LRIT3: variants seen among roughly 807,000 people sequenced by gnomAD.
LRIT3 encodes leucine-rich repeat, immunoglobulin-like domain and transmembrane domain-containing protein 3.
A neutral mutation model predicts 22.6 loss-of-function variants in LRIT3; 14 were observed. That is an observed-to-expected ratio of 0.62 (90% CI 0.41 to 0.97). LRIT3 has a LOEUF of 0.97. Ranked by LOEUF, LRIT3 falls within the 50% of genes least tolerant of loss-of-function variation. LRIT3 has a pLI of 0.00. For missense variants in LRIT3, 783 were observed against 803.0 expected (o/e 0.98, Z 0.30); for synonymous variants, 306 against 304.5 (o/e 1.01, Z -0.05).
intron 2 of LRIT3, among the ~76,000 whole-genome samples, chr4:109,854,221 A>G (rs184137465): frequency 6.6e-6 from 1 of 152,230 alleles, no homozygotes; most frequent in Non-Finnish European, 1.5e-5. Flanking sequence ...ATCCATGAGC[A>G]TGGAATGTTT....
chr4:109,850,014 G>A (rs1278572842), intron 1 of LRIT3, among the ~76,000 whole-genome samples: 1 of 152,206 alleles, frequency 6.6e-6, no homozygotes, highest in Non-Finnish European at 1.5e-5. Flanking sequence ...ATCCCTAGAG[G>A]ATTTCAAAGA....
At position 109,870,476 on chromosome 4, in the gene LRIT3, G is replaced by T. The variant is rs754286829; in HGVS notation, c.1727G>T (p.Gly576Val). The T allele has an allele frequency of 2.5e-6, 4 of 1,614,186 alleles. No individual in the cohort carries two copies. Among genetic ancestry groups the T allele is most frequent in the South Asian group, 1.1e-5 (1 of 91,086 alleles). ...ACCTTTTCTACTGAAAGAGTTGAAGGAGATGATTCTCAATGGTCTCTCCTT... is the reference window on the plus strand; with the variant it reads ...ACCTTTTCTACTGAAAGAGTTGAAGTAGATGATTCTCAATGGTCTCTCCTT... ...CITFSTERVE[G>V]DDSQWSLLLV... The change falls in exon 4 of 4, where the codon GGA becomes GTA. Residue 576 changes from glycine to valine, a missense_variant. By Grantham distance (109) the Gly-to-Val change is moderately radical. Around this residue, in one of 2 missense-constraint regions of LRIT3, gnomAD observed 756 missense variants for 753.8 expected, o/e 1.00. Coordinates refer to ENST00000594814, the MANE Select transcript of LRIT3 (RefSeq NM_198506.5).
At chr4:109,862,207 A>G (rs1357306632) in intron 2 of LRIT3, among the ~76,000 whole-genome samples, 4 of 152,220 alleles carry the variant, frequency 2.6e-5, no homozygotes. Flanking sequence ...ATTTAGTCCA[A>G]CTATTCTGAT....
intron 2 of LRIT3, among the ~76,000 whole-genome samples, chr4:109,862,881 A>G (rs1205685195): frequency 6.6e-6 from 1 of 152,058 alleles, no homozygotes; most frequent in Non-Finnish European, 1.5e-5. Context: ...TTTTGTAGAG[A>G]CAGGATCTTG....
chr4:109,869,908 T>G lies in LRIT3; in HGVS notation c.1159T>G (p.Trp387Gly), dbSNP rs140494004. 1.3e-4 allele frequency: 209 copies of G among 1,614,114 alleles called. No homozygotes were observed. In the African/African-American group the frequency reaches 2.4e-3, roughly 19 times the overall value. ...TSVSSASSYL[W>G]SSSFSPTSSF... is the part of the protein sequence containing the mutation. ...TGTATCTAGCGCATCATCATATCTT[T>G]GGTCCTCTTCCTTCTCCCCCACATC... is the stretch of plus-strand genomic sequence containing the variant. The change falls in exon 4 of 4, where the codon TGG becomes GGG. Residue 387 changes from tryptophan (W) to glycine (G), a missense_variant. Around this residue, in one of 2 missense-constraint regions of LRIT3, gnomAD observed 756 missense variants for 753.8 expected, o/e 1.00. Coordinates refer to ENST00000594814, the MANE Select transcript of LRIT3 (RefSeq NM_198506.5).
In LRIT3 at chr4:109,850,352, TGTC is replaced by T. The variant is rs148188986; in HGVS notation, c.117-1151_117-1149del. On this transcript the variant is annotated intron_variant, in intron 1 of 3. Transcript: ENST00000594814. The stretch of plus-strand genomic sequence containing the variant: ...TTTAAATTTACACATGGGACAGTGT[TGTC>T]TTCCTTCCTTCCTTCCTTCCTTCCT... Among the ~76,000 whole-genome samples the T allele has an allele frequency of 6.8e-3, 973 of 143,352 alleles. 12 individuals carry two copies. The highest frequency in any genetic ancestry group is 0.019 in the Middle Eastern group (5 of 266). The allele number at this position is 143,352 out of a possible 152,430, so 94.0% of individuals were successfully genotyped here. A position where few individuals can be genotyped will look rare whatever the true frequency, so the allele number is the denominator to read the frequency against.
At chr4:109,862,026 C>T (rs1222979117) in intron 2 of LRIT3, among the ~76,000 whole-genome samples, 1 of 152,146 alleles carries the variant, frequency 6.6e-6, no homozygotes, top group Non-Finnish European at 1.5e-5. Context: ...AACACGTGTC[C>T]ACTTGTTCCA....
At chr4:109,851,374 C>G in intron 1 of LRIT3, 130 bp from the exon 2 acceptor site, 1 of 1,316,420 alleles carries the variant, frequency 7.6e-7, no homozygotes, top group Non-Finnish European at 1.0e-6. Context: ...CTCGGCCTCC[C>G]AAAGTGCTGG....
intron 2 of LRIT3, among the ~76,000 whole-genome samples, chr4:109,855,777 C>T (rs1452874569): frequency 6.6e-6 from 1 of 152,150 alleles, no homozygotes; most frequent in African/African-American, 2.4e-5. Context: ...ATCTTTATTT[C>T]TGCCTTCATT....
At chr4:109,862,428 A>T (rs1476957772) in intron 2 of LRIT3, among the ~76,000 whole-genome samples, 1 of 152,202 alleles carries the variant, frequency 6.6e-6, no homozygotes, top group Non-Finnish European at 1.5e-5. Context: ...CAGTTCTTGG[A>T]TCACTATTTT....
chr4:109,865,244 G>T (rs1346082264), intron 2 of LRIT3: 6 of 1,562,798 alleles, frequency 3.8e-6, no homozygotes, highest in Non-Finnish European at 5.2e-6. Context: ...TAATGGTTGA[G>T]CCTCATCAGG....
At chr4:109,853,197 C>G (rs1432162680) in intron 2 of LRIT3, among the ~76,000 whole-genome samples, 1 of 152,176 alleles carries the variant, frequency 6.6e-6, no homozygotes, top group East Asian at 1.9e-4. Context: ...ATACTCCCAC[C>G]AACAGTGTAA....
rs2125898760 is a variant in LRIT3 at position 109,857,501 on chromosome 4, C to T, written c.589+5525C>T. Among the ~76,000 whole-genome samples the T allele has an allele frequency of 1.3e-5, 2 of 152,224 alleles. 1 individual carries two copies. Among genetic ancestry groups the T allele is most frequent in the South Asian group, 4.1e-4 (2 of 4,822 alleles). On this transcript the variant is annotated intron_variant, in intron 2 of 3. Coordinates refer to ENST00000594814, the MANE Select transcript of LRIT3 (RefSeq NM_198506.5). ...CTTTCTCCAGCCCAAACTCTCATACCAATCATAGCTATGGTTAATCTCCAT... is the reference window on the plus strand; with the variant it reads ...CTTTCTCCAGCCCAAACTCTCATACTAATCATAGCTATGGTTAATCTCCAT...
Position 109,869,735 on chromosome 4 carries a change from A to G in LRIT3, c.986A>G (p.Lys329Arg). The change falls in exon 4 of 4, where the codon AAG becomes AGG. Residue 329 changes from lysine to arginine, a missense_variant. This residue lies in a region of LRIT3 where 756 missense variants were observed against 753.8 expected (regional missense o/e 1.00). Coordinates refer to ENST00000594814, the MANE Select transcript of LRIT3 (RefSeq NM_198506.5). ...SSKDAGDYKCKAKNLAGMSEA... is the reference protein window; with the variant it reads ...SSKDAGDYKCRAKNLAGMSEA... ...AAAGACGCTGGGGATTACAAATGTA[A>G]GGCCAAAAATCTGGCTGGGATGTCA... The G allele has an allele frequency of 6.2e-7, 1 of 1,613,024 alleles. No homozygotes were observed. Among genetic ancestry groups the G allele is most frequent in the East Asian group, 2.2e-5 (1 of 44,876 alleles).
chr4:109,863,157 C>A (rs1734590354), intron 2 of LRIT3, among the ~76,000 whole-genome samples: 1 of 152,134 alleles, frequency 6.6e-6, no homozygotes, highest in Non-Finnish European at 1.5e-5. Flanking sequence ...ATAGTAATAT[C>A]TTTGTGCTTT....
Position 109,867,736 on chromosome 4 carries a change from C to A in LRIT3, c.685C>A (p.Leu229Met). 6.2e-7 allele frequency: 1 copy of A among 1,614,182 alleles called. No individual in the cohort carries two copies. The highest frequency in any genetic ancestry group is 8.5e-7 in the Non-Finnish European group (1 of 1,180,020). Residue 229 changes from leucine (L) to methionine (M), a missense_variant, in exon 3 of 4, where the codon CTG becomes ATG. Leu to Met is a conservative substitution (Grantham distance 15). Transcript: ENST00000594814. ...CCCTGCTATAGTGCTTCTGGATCCACTGATGACTTGCAGTGAACCTGAGCG... is the reference window on the plus strand; with the variant it reads ...CCCTGCTATAGTGCTTCTGGATCCAATGATGACTTGCAGTGAACCTGAGCG... ...VDPAIVLLDP[L>M]MTCSEPERLT...
chr4:109,867,476 T>C (rs182997151), intron 2 of LRIT3, among the ~76,000 whole-genome samples, 165 bp from the exon 3 acceptor site: 1 of 152,264 alleles, frequency 6.6e-6, no homozygotes, highest in African/African-American at 2.4e-5. Context: ...TTCACCGAGA[T>C]TGCTGGATTG....
intron 3 of LRIT3, 146 bp downstream of exon 3, chr4:109,868,092 T>C: frequency 1.3e-6 from 1 of 779,920 alleles, no homozygotes; most frequent in East Asian, 2.7e-5. Context: ...AGGTACATTT[T>C]ATTCATTAGT....
At position 109,870,642 on chromosome 4, in the gene LRIT3, C is replaced by T. The variant is rs778510049; in HGVS notation, c.1893C>T (p.Thr631=). The change falls in exon 4 of 4, where the codon ACC becomes ACT. Residue 631 remains threonine, a synonymous_variant. Transcript: ENST00000594814. ...LAKETYIQFE[T]LFPRSQSVGE... is the part of the protein sequence containing the mutation. ...AGGAGACTTATATCCAATTTGAGAC[C>T]CTGTTTCCCAGGTCTCAAAGTGTAG... The T allele has an allele frequency of 1.5e-5, 24 of 1,613,834 alleles. No individual in the cohort carries two copies. In the South Asian group the frequency reaches 2.5e-4, roughly 17 times the overall value.
Sources: gnomAD v4.1 joint callset for allele counts (sites outside exome capture counted in the v4.1 genomes callset) on GRCh38, gnomAD v4.1.1 for gene constraint, gnomAD v4.1.1 regional missense constraint, MANE v1.5 for transcripts, NCBI Gene and HGNC (gene_info 2026-07-23, HGNC 2026-07-21) for gene names.